MREG: variants seen among roughly 807,000 people sequenced by gnomAD.
MREG encodes the protein melanoregulin.
In MREG, 31 loss-of-function variants were observed where a neutral mutation model predicts 28.5. That is an observed-to-expected ratio of 1.09 (90% CI 0.82 to 1.47). The LOEUF is 1.47. Among genes scored for constraint, MREG ranks in the 40% most tolerant of loss-of-function variants. The probability of loss-of-function intolerance (pLI) is 0.00; values close to 1 mark genes in which losing one functional copy is unlikely to be tolerated. For missense variants in MREG, 256 were observed against 257.4 expected, an observed-to-expected ratio of 0.99 and a Z score of 0.04; for synonymous variants, 106 against 95.2, an observed-to-expected ratio of 1.11 and a Z score of -0.66.
chr2:215,949,420 G>A (rs1028086446), intron 2 of MREG, among the ~76,000 whole-genome samples: 4 of 150,264 alleles, frequency 2.7e-5, no homozygotes, highest in African/African-American at 9.8e-5. Flanking sequence ...AATTTGCCGG[G>A]TGTGGTGGTG....
intron 1 of MREG, among the ~76,000 whole-genome samples, chr2:216,027,358 C>T (rs986533955): frequency 6.6e-6 from 1 of 152,194 alleles, no homozygotes; most frequent in Non-Finnish European, 1.5e-5. Flanking sequence ...TCGAAGCTCT[C>T]TAAGAGAAAT....
At chr2:215,968,618 T>C (rs945162917) in intron 2 of MREG, among the ~76,000 whole-genome samples, 1 of 152,190 alleles carries the variant, frequency 6.6e-6, no homozygotes, top group Non-Finnish European at 1.5e-5. Context: ...GATGCAGTGT[T>C]CCCTCTTACA....
At chr2:216,016,962 A>C (rs1216914749), upstream of MREG, among the ~76,000 whole-genome samples, 1 of 152,240 alleles carries the variant, frequency 6.6e-6, no homozygotes, top group East Asian at 1.9e-4. Flanking sequence ...TAAATGAAAT[A>C]GTCTTCTAAA....
At chr2:216,005,444 C>CT (rs58288878) in intron 1 of MREG, among the ~76,000 whole-genome samples, 18,428 of 84,872 alleles carry the variant, frequency 0.22, 2,875 homozygotes, top group Admixed American at 0.31. Context: ...TCTAGTTATT[C>CT]TTTTTTTTTT....
At chr2:216,006,478 T>C (rs1694157112) in intron 1 of MREG, among the ~76,000 whole-genome samples, 1 of 152,234 alleles carries the variant, frequency 6.6e-6, no homozygotes, top group South Asian at 2.1e-4. Flanking sequence ...TTTGTGCCCC[T>C]GCAGGCACTT....
chr2:215,969,540 A>G (rs901363814), intron 2 of MREG, among the ~76,000 whole-genome samples: 1 of 152,204 alleles, frequency 6.6e-6, no homozygotes, highest in African/African-American at 2.4e-5. Flanking sequence ...ATTGTAAGGC[A>G]GAGAAAAACA....
chr2:215,995,513 C>A (rs193293515), intron 2 of MREG, among the ~76,000 whole-genome samples: 1 of 148,904 alleles, frequency 6.7e-6, no homozygotes, highest in Non-Finnish European at 1.5e-5. Flanking sequence ...CACCCCACCC[C>A]CCGCCACCAA....
At chr2:215,990,944 C>T (rs551352500) in intron 2 of MREG, among the ~76,000 whole-genome samples, 30 of 152,084 alleles carry the variant, frequency 2.0e-4, no homozygotes, top group Middle Eastern at 3.4e-3. Context: ...ACAATAATAG[C>T]GGGAGACTTT....
chr2:216,011,006 G>A (rs561805673), intron 1 of MREG, among the ~76,000 whole-genome samples: 250 of 149,770 alleles, frequency 1.7e-3, no homozygotes, highest in Non-Finnish European at 3.0e-3. Context: ...TGAGGCAGGA[G>A]AATGGTGTCA....
intron 2 of MREG, among the ~76,000 whole-genome samples, chr2:215,950,554 T>G (rs555314561): frequency 6.6e-6 from 1 of 152,342 alleles, no homozygotes; most frequent in South Asian, 2.1e-4. Context: ...GACAGGTGGT[T>G]GTTAAAATTA....
upstream of MREG, among the ~76,000 whole-genome samples, chr2:216,013,921 T>C (rs1404531414): frequency 6.6e-6 from 1 of 152,178 alleles, no homozygotes; most frequent in Non-Finnish European, 1.5e-5. Flanking sequence ...GCGTAGGGTT[T>C]TTTTTTAAAT....
intron 1 of MREG, among the ~76,000 whole-genome samples, chr2:216,008,169 G>A (rs560396003): frequency 4.6e-5 from 7 of 152,126 alleles, no homozygotes; most frequent in South Asian, 2.1e-4. Context: ...GAGTCACGCC[G>A]CTTGGGGCAG....
At chr2:215,958,961 G>A (rs16855135) in intron 2 of MREG, among the ~76,000 whole-genome samples, 5,949 of 152,172 alleles carry the variant, frequency 0.039, 202 homozygotes, top group African/African-American at 0.087. Context: ...CTATTCTGGG[G>A]AGGAAAGCAA....
At chr2:215,940,398 A>G (rs1188408410), downstream of MREG, among the ~76,000 whole-genome samples, 2 of 152,258 alleles carry the variant, frequency 1.3e-5, no homozygotes, top group African/African-American at 4.8e-5. Flanking sequence ...GAATAAATAC[A>G]TTAATTCAAT....
chr2:215,945,102 A>G (rs1692286499), intron 4 of MREG, 105 bp from the exon 5 acceptor site: 4 of 1,176,678 alleles, frequency 3.4e-6, no homozygotes, highest in Non-Finnish European at 3.5e-6. Context: ...CCTGGAAATG[A>G]CAATGAGCAA....
At chr2:216,017,531 A>C (rs536061619), upstream of MREG, among the ~76,000 whole-genome samples, 1 of 152,196 alleles carries the variant, frequency 6.6e-6, no homozygotes, top group African/African-American at 2.4e-5. Context: ...GAGTGGCGCT[A>C]GATGGTTCCT....
intron 2 of MREG, among the ~76,000 whole-genome samples, chr2:215,964,868 T>TAGAC (rs1301829464): frequency 2.7e-5 from 3 of 112,630 alleles, no homozygotes; most frequent in Non-Finnish European, 5.6e-5. Context: ...GATAGATAGA[T>TAGAC]AGATAGATAG....
intron 2 of MREG, among the ~76,000 whole-genome samples, chr2:215,993,467 C>T (rs548767058): frequency 3.9e-5 from 6 of 152,082 alleles, no homozygotes; most frequent in Admixed American, 2.0e-4. Context: ...CCATAAAAAC[C>T]CTAGGAGAAA....
At chr2:216,024,027 C>T (rs907910395) in intron 1 of MREG, among the ~76,000 whole-genome samples, 13 of 152,026 alleles carry the variant, frequency 8.6e-5, no homozygotes, top group Admixed American at 7.2e-4. Context: ...AGTAGAGGGC[C>T]CTTTCAAGTA....
Sources: allele counts gnomAD v4.1 joint callset (sites outside exome capture counted in the v4.1 genomes callset), GRCh38; gene constraint gnomAD v4.1.1; transcripts MANE v1.5; gene names NCBI Gene and HGNC (gene_info 2026-07-23, HGNC 2026-07-21).